The following CFAP299 variants were observed in gnomAD, a reference collection of about 807,000 sequenced individuals.
CFAP299 encodes the protein cilia and flagella associated protein 299, also known as cilia- and flagella-associated protein 299.
A neutral mutation model predicts 27.0 loss-of-function variants in CFAP299; 21 were observed. The observed-to-expected ratio is 0.78, with a 90% confidence interval of 0.55 to 1.12. CFAP299 has a LOEUF of 1.12. CFAP299 is among the 50% of genes most tolerant of loss of function. The pLI, the probability that CFAP299 is intolerant of heterozygous loss-of-function variation, is 0.00. For synonymous variants in CFAP299, 104 were observed against 98.1 expected (o/e 1.06, Z -0.36); for missense variants, 310 against 276.6 (o/e 1.12, Z -0.86).
chr4:80,838,748 C>A (rs1730702971), intron 3 of CFAP299, among the ~76,000 whole-genome samples: 1 of 151,592 alleles, frequency 6.6e-6, no homozygotes, highest in Non-Finnish European at 1.5e-5. Context: ...CTATATGGGC[C>A]CTTTTTGGCT....
chr4:80,681,740 T>C (rs1261413232), intron 3 of CFAP299, among the ~76,000 whole-genome samples: 1 of 152,206 alleles, frequency 6.6e-6, no homozygotes, highest in African/African-American at 2.4e-5. Context: ...ATAAGATGCA[T>C]AATGTGATCC....
intron 2 of CFAP299, among the ~76,000 whole-genome samples, chr4:80,409,073 CT>C (rs1243234704): frequency 6.7e-6 from 1 of 148,700 alleles, no homozygotes; most frequent in Non-Finnish European, 1.5e-5. Flanking sequence ...ATATAAACAA[CT>C]GATAAATATA....
intron 2 of CFAP299, among the ~76,000 whole-genome samples, chr4:80,518,019 T>G (rs1732671441): frequency 6.6e-6 from 1 of 152,084 alleles, no homozygotes; most frequent in Admixed American, 6.6e-5. Context: ...TCTTTGAGTT[T>G]AAGAGTTTTA....
At position 80,387,841 on chromosome 4, in the gene CFAP299, G is replaced by A. The variant is rs552192209; in HGVS notation, c.242+24957G>A. 89 of 1,419,816 alleles carry A rather than the reference G, an allele frequency of 6.3e-5. No individual in the cohort carries two copies. The East Asian group carries it at 1.9e-3, about 31-fold the overall frequency. 88.0% of individuals were successfully genotyped at this position (1,419,816 alleles called of 1,614,324 possible). A position where few individuals can be genotyped will look rare whatever the true frequency, so the allele number is the denominator to read the frequency against. ...CCCTGTAGCTTCCAGGAGTCCCCTGGTACCTTTAGCCCGTGGGGTCTTCAG... is the reference window on the plus strand; with the variant it reads ...CCCTGTAGCTTCCAGGAGTCCCCTGATACCTTTAGCCCGTGGGGTCTTCAG... On this transcript the variant is annotated intron_variant, in intron 2 of 5. Coordinates refer to ENST00000358105, the MANE Select transcript of CFAP299 (RefSeq NM_152770.3).
chr4:80,390,730 TATATGTATATATGTATATATACACAC>T (rs750487710), intron 2 of CFAP299, among the ~76,000 whole-genome samples: 11 of 142,940 alleles, frequency 7.7e-5, no homozygotes, highest in South Asian at 4.3e-4. Flanking sequence ...CATACATGTA[TATATGTATATATGTATATATACACAC>T]ATATGTATAT....
intron 1 of CFAP299, among the ~76,000 whole-genome samples, chr4:80,350,740 G>A (rs554177995): frequency 7.7e-4 from 117 of 152,070 alleles, no homozygotes; most frequent in African/African-American, 2.6e-3. Flanking sequence ...CAATGAGAAC[G>A]CACGGACACA....
chr4:80,577,659 G>A (rs542492681), intron 2 of CFAP299, among the ~76,000 whole-genome samples: 2 of 151,946 alleles, frequency 1.3e-5, no homozygotes, highest in South Asian at 2.1e-4. Flanking sequence ...CCTCGGCCTC[G>A]CAAAATGCTG....
intron 1 of CFAP299, among the ~76,000 whole-genome samples, chr4:80,355,832 T>C: frequency 6.6e-6 from 1 of 152,206 alleles, no homozygotes; most frequent in East Asian, 1.9e-4. Context: ...GCAGAAGCCC[T>C]TTAGTTTAAT....
At chr4:80,499,026 TAAGTGGGAACTAA>T (rs1223245083) in intron 2 of CFAP299, among the ~76,000 whole-genome samples, 1 of 152,094 alleles carries the variant, frequency 6.6e-6, no homozygotes, top group Non-Finnish European at 1.5e-5. Context: ...TTCTCACTTA[TAAGTGGGAACTAA>T]ACCCTGAGTA....
intron 3 of CFAP299, among the ~76,000 whole-genome samples, chr4:80,624,100 A>T (rs142497593): frequency 6.6e-6 from 1 of 152,284 alleles, no homozygotes; most frequent in East Asian, 1.9e-4. Flanking sequence ...AAATATCAAG[A>T]ACAATCAGGA....
At chr4:80,375,887 G>A (rs764398122) in intron 2 of CFAP299, among the ~76,000 whole-genome samples, 15 of 152,152 alleles carry the variant, frequency 9.9e-5, no homozygotes, top group Non-Finnish European at 1.8e-4. Flanking sequence ...AGAACCAGAA[G>A]GTGTCAGCTG....
At chr4:80,485,164 T>G (rs1730744435) in intron 2 of CFAP299, among the ~76,000 whole-genome samples, 1 of 151,860 alleles carries the variant, frequency 6.6e-6, no homozygotes, top group African/African-American at 2.4e-5. Flanking sequence ...GTATTTTTAC[T>G]AAGAAGTTGA....
intron 2 of CFAP299, among the ~76,000 whole-genome samples, chr4:80,565,967 C>T (rs1461474682): frequency 6.6e-6 from 1 of 151,926 alleles, no homozygotes; most frequent in East Asian, 1.9e-4. Flanking sequence ...CTTTGAAATC[C>T]GTGATGCATT....
intron 3 of CFAP299, among the ~76,000 whole-genome samples, chr4:80,778,748 A>C (rs970696121): frequency 1.3e-5 from 2 of 152,058 alleles, no homozygotes; most frequent in African/African-American, 4.8e-5. Flanking sequence ...TTTTGAAATA[A>C]TTTCACTTAC....
intron 2 of CFAP299, among the ~76,000 whole-genome samples, chr4:80,567,513 A>ATTT (rs1735361054): frequency 6.6e-6 from 1 of 152,032 alleles, no homozygotes. Flanking sequence ...TGAAAAGGCA[A>ATTT]TTAAGAATAG....
the CFAP299 span, among the ~76,000 whole-genome samples, chr4:80,325,608 T>C: frequency 3.0e-4 from 45 of 152,214 alleles, no homozygotes; most frequent in African/African-American, 1.1e-3. Flanking sequence ...ATAAGTAACA[T>C]CCTTGGTTCC....
At chr4:80,593,336 A>G (rs1736880566) in intron 3 of CFAP299, among the ~76,000 whole-genome samples, 1 of 152,206 alleles carries the variant, frequency 6.6e-6, no homozygotes, top group African/African-American at 2.4e-5. Flanking sequence ...ATGGGAGGAA[A>G]GTCTCAGAAG....
At chr4:80,711,902 C>G (rs1008732696) in intron 3 of CFAP299, among the ~76,000 whole-genome samples, 1 of 152,154 alleles carries the variant, frequency 6.6e-6, no homozygotes, top group African/African-American at 2.4e-5. Context: ...ATTGATTCTG[C>G]TCTTTTACAA....
intron 3 of CFAP299, among the ~76,000 whole-genome samples, chr4:80,711,998 T>A (rs1722202575): frequency 6.6e-6 from 1 of 152,210 alleles, no homozygotes; most frequent in South Asian, 2.1e-4. Flanking sequence ...TCCTTCCTGG[T>A]TACTTTCTAA....
Sources: gnomAD v4.1 joint callset for allele counts (sites outside exome capture counted in the v4.1 genomes callset) on GRCh38, gnomAD v4.1.1 for gene constraint, MANE v1.5 for transcripts, NCBI Gene and HGNC (gene_info 2026-07-23, HGNC 2026-07-21) for gene names.